The following KDR variants were observed in gnomAD, a reference collection of about 807,000 sequenced individuals.
The protein encoded by KDR is kinase insert domain receptor.
KDR carries 43 observed loss-of-function variants against 160.9 expected under a neutral mutation model. The ratio of observed to expected loss-of-function variants is 0.27; its 90% confidence interval spans 0.21 to 0.34. KDR has a LOEUF of 0.34. KDR is among the 10% of genes least tolerant of loss of function. The pLI is 1.00. For missense variants in KDR, 1,469 were observed against 1,666.4 expected, an observed-to-expected ratio of 0.88 and a Z score of 2.06; for synonymous variants, 617 against 600.1, an observed-to-expected ratio of 1.03 and a Z score of -0.41.
At chr4:55,123,419 G>A (rs1720945758) in intron 1 of KDR, among the ~76,000 whole-genome samples, 1 of 152,124 alleles carries the variant, frequency 6.6e-6, no homozygotes, top group South Asian at 2.1e-4. Flanking sequence ...ATAATTTATT[G>A]CCACAGATCA....
Position 55,118,817 on chromosome 4 carries a change from A to T in KDR, c.162-17T>A. On this transcript the variant is annotated splice_polypyrimidine_tract_variant and intron_variant, in intron 2 of 29. Coordinates refer to ENST00000263923, the MANE Select transcript of KDR (RefSeq NM_002253.4). Reference sequence around the variant, plus strand: ...CTCTGTCCCCTGAAAAATTAATTTCAGGGAGGTATTAATATGAAGTGCCAG... The same window carrying T: ...CTCTGTCCCCTGAAAAATTAATTTCTGGGAGGTATTAATATGAAGTGCCAG... 6.2e-7 allele frequency: 1 copy of T among 1,607,616 alleles called. No individual in the cohort carries two copies. The highest frequency in any genetic ancestry group is 8.5e-7 in the Non-Finnish European group (1 of 1,174,194).
At chr4:55,095,465 G>A in intron 20 of KDR, 112 bp downstream of exon 20, 2 of 770,706 alleles carry the variant, frequency 2.6e-6, no homozygotes, top group South Asian at 2.9e-5. Context: ...GGTAATATGA[G>A]AAGATTCCTC....
At chr4:55,090,849 CTTTTTTTTT>C (rs61138010) in intron 22 of KDR, among the ~76,000 whole-genome samples, 1 of 84,050 alleles carries the variant, frequency 1.2e-5, no homozygotes, top group Non-Finnish European at 2.2e-5. Context: ...TAGAAGAAAA[CTTTTTTTTT>C]TTTTTTTTTT....
chr4:55,105,397 A>G (rs1319903980), intron 12 of KDR, among the ~76,000 whole-genome samples: 1 of 152,208 alleles, frequency 6.6e-6, no homozygotes, highest in Non-Finnish European at 1.5e-5. Context: ...GCTAAAGCTT[A>G]TCCATAAAAC....
intron 16 of KDR, among the ~76,000 whole-genome samples, 174 bp downstream of exon 16, chr4:55,098,523 A>G (rs184398880): frequency 2.6e-4 from 40 of 152,224 alleles, no homozygotes; most frequent in African/African-American, 7.7e-4. Flanking sequence ...GCTTCTATCA[A>G]TTAAATCCCT....
At position 55,104,724 on chromosome 4, in the gene KDR, C is replaced by T. The variant is rs2110022925; in HGVS notation, c.1906G>A (p.Asp636Asn). The T allele has an allele frequency of 6.2e-7, 1 of 1,613,816 alleles. No individual in the cohort carries two copies. The highest frequency in any genetic ancestry group is 8.5e-7 in the Non-Finnish European group (1 of 1,179,830). ...IMELKNASLQ[D>N]QGDYVCLAQD... ...GCAAGGCAGACATAGTCTCCTTGGT[C>T]CTGCAAGGATGCATTCTTAAGCTCC... is the stretch of plus-strand genomic sequence containing the variant. Residue 636 changes from aspartate (D) to asparagine (N), a missense_variant, in exon 13 of 30, where the codon GAC becomes AAC. This residue lies in a region of KDR where 792 missense variants were observed against 840.9 expected (regional missense o/e 0.94). Coordinates refer to ENST00000263923, the MANE Select transcript of KDR (RefSeq NM_002253.4).
intron 13 of KDR, among the ~76,000 whole-genome samples, chr4:55,104,019 G>C (rs1341486225): frequency 6.6e-6 from 1 of 152,148 alleles, no homozygotes; most frequent in African/African-American, 2.4e-5. Context: ...TTGACCTTGG[G>C]CTACGCTGGA....
At chr4:55,124,238 G>C (rs1041007605) in intron 1 of KDR, among the ~76,000 whole-genome samples, 20 of 150,868 alleles carry the variant, frequency 1.3e-4, no homozygotes, top group Admixed American at 1.3e-3. Flanking sequence ...TTCTTTCTCT[G>C]ACCCTTTCCC....
Position 55,107,744 on chromosome 4 carries a change from C to T in KDR, c.1405G>A (p.Glu469Lys), listed in dbSNP as rs941528100. ...YWQLEEECAN[E>K]PSQAVSVTNP... The stretch of plus-strand genomic sequence containing the variant: ...GCATGTGGCCTTACTCACCTGGGCT[C>T]GTTGGCGCACTCTTCCTCCAACTGC... Residue 469 changes from glutamate to lysine, a missense_variant, in exon 10 of 30, where the codon GAG becomes AAG. Glu to Lys is a moderately conservative substitution (Grantham distance 56). Transcript: ENST00000263923. The T allele has an allele frequency of 4.3e-6, 7 of 1,613,888 alleles. No homozygotes were observed. Among genetic ancestry groups the T allele is most frequent in the Non-Finnish European group, 5.1e-6 (6 of 1,179,874 alleles).
chr4:55,099,830 A>G (rs1720264970), intron 15 of KDR, among the ~76,000 whole-genome samples: 1 of 152,166 alleles, frequency 6.6e-6, no homozygotes, highest in African/African-American at 2.4e-5. Flanking sequence ...TAACCATTAC[A>G]TACACTACCC....
At chr4:55,100,153 CA>C (rs1411727794) in intron 15 of KDR, among the ~76,000 whole-genome samples, 1 of 152,132 alleles carries the variant, frequency 6.6e-6, no homozygotes, top group Non-Finnish European at 1.5e-5. Flanking sequence ...GCGGATGGCC[CA>C]CTACGGCCTC....
At position 55,094,806 on chromosome 4, in the gene KDR, C is replaced by T. The variant is rs1324037720; in HGVS notation, c.2967G>A (p.Glu989=). The change falls in exon 21 of 30, where the codon GAG becomes GAA. Residue 989 remains glutamate (E), a synonymous_variant. Coordinates refer to ENST00000263923, the MANE Select transcript of KDR (RefSeq NM_002253.4). ...GCAGGAAGCACTAGCCAGTACCTTC[C>T]TCTTCTTCTACATCACTGAGGGACT... ...EEKSLSDVEE[E]EAPEDLYKDF... The T allele has an allele frequency of 7.4e-6, 12 of 1,613,904 alleles. No homozygotes were observed. In the South Asian group the frequency reaches 7.7e-5, roughly 10 times the overall value.
intron 29 of KDR, 23 bp from the exon 30 acceptor site, chr4:55,080,186 A>G: frequency 6.2e-7 from 1 of 1,603,700 alleles, no homozygotes; most frequent in Non-Finnish European, 8.5e-7. Context: ...TGGCAAACAA[A>G]GGAGTTGGCA....
At chr4:55,121,480 G>A (rs1220562736) in intron 1 of KDR, among the ~76,000 whole-genome samples, 1 of 152,166 alleles carries the variant, frequency 6.6e-6, no homozygotes, top group Non-Finnish European at 1.5e-5. Context: ...AAAAGGATAC[G>A]GGACATTGAA....
chr4:55,097,295 T>C (rs1474704327), intron 18 of KDR, among the ~76,000 whole-genome samples: 2 of 152,210 alleles, frequency 1.3e-5, no homozygotes, highest in Non-Finnish European at 2.9e-5. Flanking sequence ...TATCTTCCTT[T>C]CCATGTCTCT....
Position 55,094,912 on chromosome 4 carries a change from G to T in KDR, c.2861C>A (p.Ala954Glu). The change falls in exon 21 of 30, where the codon GCA becomes GAA. Residue 954 changes from alanine (A) to glutamate (E), a missense_variant. Ala to Glu is a moderately radical substitution (Grantham distance 107, BLOSUM62 -1). Transcript: ENST00000263923. The part of the protein sequence containing the change: ...RFRQGKDYVG[A>E]IPVDLKRRLD... ...GCGCCGTTTCAGATCCACAGGGATT[G>T]CTCCAACGTAGTCTTTCCCTTGACG... 6.2e-7 allele frequency: 1 copy of T among 1,613,988 alleles called. No homozygotes were observed. Among genetic ancestry groups the T allele is most frequent in the Non-Finnish European group, 8.5e-7 (1 of 1,179,894 alleles).
chr4:55,098,329 T>C, intron 16 of KDR, 57 bp from the exon 17 acceptor site: 1 of 1,604,966 alleles, frequency 6.2e-7, no homozygotes, highest in Non-Finnish European at 8.5e-7. Flanking sequence ...TGTTGTTTTG[T>C]GTGCTTGTTA....
chr4:55,098,107 A>G (rs949574042), intron 17 of KDR, 30 bp downstream of exon 17: 2 of 1,613,220 alleles, frequency 1.2e-6, no homozygotes, highest in African/African-American at 2.7e-5. Flanking sequence ...GGTAAACACA[A>G]TATCAAATTA....
At chr4:55,105,550 C>T (rs1187976537) in intron 12 of KDR, among the ~76,000 whole-genome samples, 1 of 152,150 alleles carries the variant, frequency 6.6e-6, no homozygotes, top group African/African-American at 2.4e-5. Context: ...AGGCACTGTG[C>T]CAGACTCTGA....
Sources: gnomAD v4.1 joint callset for allele counts (sites outside exome capture counted in the v4.1 genomes callset) on GRCh38, gnomAD v4.1.1 for gene constraint, gnomAD v4.1.1 regional missense constraint, MANE v1.5 for transcripts, NCBI Gene and HGNC (gene_info 2026-07-23, HGNC 2026-07-21) for gene names.